Variants in ANXA9 observed in about 807,000 individuals in gnomAD.
The protein encoded by ANXA9 is annexin A9, also known as annexin 31.
In ANXA9, 47 loss-of-function variants were observed where a neutral mutation model predicts 51.8. The ratio of observed to expected loss-of-function variants is 0.91; its 90% CI spans 0.72 to 1.16. The LOEUF (loss-of-function observed/expected upper bound fraction) is 1.16, where lower values mean the gene tolerates loss of function less well. Among genes scored for constraint, ANXA9 ranks in the 50% most tolerant of loss-of-function variants. ANXA9 has a pLI of 0.00. For synonymous variants in ANXA9, 154 were observed against 168.7 expected (o/e 0.91, Z 0.68); for missense variants, 361 against 424.7 (o/e 0.85, Z 1.32).
Position 150,988,337 on chromosome 1 carries a change from T to C in ANXA9, c.848T>C (p.Leu283Pro). Residue 283 changes from leucine to proline, a missense_variant, in exon 12 of 14, where the codon CTC becomes CCC. Leu to Pro is a moderately conservative substitution (Grantham distance 98, BLOSUM62 -3). Coordinates refer to ENST00000368947, the MANE Select transcript of ANXA9 (RefSeq NM_003568.3). Reference sequence around the variant, plus strand: ...TTTGCTGACAAACTTCATCAAGCCCTCCAGGTGAGAGGGGCACTCCTTTCC... The same window carrying C: ...TTTGCTGACAAACTTCATCAAGCCCCCCAGGTGAGAGGGGCACTCCTTTCC... ...LYFADKLHQA[L>P]QETEPNYQVL... 1 of 1,613,980 alleles carries C rather than the reference T, an allele frequency of 6.2e-7. No homozygotes were observed. Among genetic ancestry groups the C allele is most frequent in the Non-Finnish European group, 8.5e-7 (1 of 1,180,006 alleles).
intron 12 of ANXA9, among the ~76,000 whole-genome samples, chr1:150,991,791 G>A (rs1322771432): frequency 6.7e-6 from 1 of 149,764 alleles, no homozygotes; most frequent in African/African-American, 2.5e-5. Flanking sequence ...TTTTAAGATG[G>A]AGGCTTGCTC....
At position 150,982,386 on chromosome 1, in the gene ANXA9, A is replaced by C. The variant is rs985425274; in HGVS notation, c.-114+7A>C. ...TCACCTCTGGCACCTCTGAGTAAGT[A>C]CTGGGCCCACGGCCCCATGCCAGGA... On this transcript the variant is annotated splice_region_variant and intron_variant, in intron 1 of 13. Transcript: ENST00000368947. The C allele has an allele frequency of 6.6e-6, 1 of 152,568 alleles. No individual in the cohort carries two copies. Among genetic ancestry groups the C allele is most frequent in the Non-Finnish European group, 1.5e-5 (1 of 68,144 alleles). 9.5% of individuals were successfully genotyped at this position (152,568 alleles called of 1,614,324 possible).
upstream of ANXA9, among the ~76,000 whole-genome samples, chr1:150,978,189 G>A (rs1018786717): frequency 6.6e-6 from 1 of 152,122 alleles, no homozygotes; most frequent in African/African-American, 2.4e-5. Flanking sequence ...CCAGCACTTT[G>A]GGAGGCCGAG....
Position 150,988,412 on chromosome 1 carries a change from T to C in ANXA9, c.852+71T>C, listed in dbSNP as rs1455922473. The C allele has an allele frequency of 5.8e-6, 9 of 1,562,674 alleles. No homozygotes were observed. The East Asian group carries it at 2.0e-4, about 35-fold the overall frequency. The stretch of plus-strand genomic sequence containing the variant: ...GAGAGAGGAAGTCTCAGCTTGCTGC[T>C]TATGTAACCATCCTATATACACCGT... On this transcript the variant is annotated intron_variant, in intron 12 of 13. Coordinates refer to ENST00000368947, the MANE Select transcript of ANXA9 (RefSeq NM_003568.3).
chr1:150,983,051 A>C, intron 2 of ANXA9, 39 bp from the exon 3 acceptor site: 1 of 1,555,660 alleles, frequency 6.4e-7, no homozygotes, highest in Non-Finnish European at 8.8e-7. Context: ...CTGAAGGGCC[A>C]GGAAATTCAG....
upstream of ANXA9, among the ~76,000 whole-genome samples, chr1:150,980,402 A>G (rs1438502263): frequency 6.6e-6 from 1 of 151,902 alleles, no homozygotes; most frequent in East Asian, 1.9e-4. Context: ...CCTCAAAAAA[A>G]AAAATGTTAG....
In ANXA9 at chr1:150,988,151, T is replaced by C. The variant is rs1671614316; in HGVS notation, c.758T>C (p.Phe253Ser). ...CTGGAGGAGGCTGTCCAGAACCGTT[T>C]CCATGGAGATGCTCAGGTGGCTCTG... The part of the protein sequence containing the change: ...QELEEAVQNR[F>S]HGDAQVALLG... Residue 253 changes from phenylalanine to serine, a missense_variant, in exon 11 of 14, where the codon TTC becomes TCC. Phe to Ser is a radical substitution (Grantham distance 155). Coordinates refer to ENST00000368947, the MANE Select transcript of ANXA9 (RefSeq NM_003568.3). 11 of 1,614,080 alleles carry C rather than the reference T, an allele frequency of 6.8e-6. No homozygotes were observed. Among genetic ancestry groups the C allele is most frequent in the Non-Finnish European group, 9.3e-6 (11 of 1,180,042 alleles).
intron 7 of ANXA9, among the ~76,000 whole-genome samples, chr1:150,985,856 C>T (rs587643269): frequency 4.3e-4 from 66 of 152,296 alleles, no homozygotes; most frequent in Non-Finnish European, 8.8e-4. Context: ...CATGAGCCAC[C>T]GCCCTGGCCG....
upstream of ANXA9, among the ~76,000 whole-genome samples, chr1:150,978,206 G>A (rs1671366841): frequency 6.6e-6 from 1 of 152,034 alleles, no homozygotes; most frequent in South Asian, 2.1e-4. Context: ...CGAGGTGGGC[G>A]GATAACCTGA....
intron 2 of ANXA9, among the ~76,000 whole-genome samples, chr1:150,982,796 G>A (rs1376078875): frequency 3.9e-5 from 6 of 152,182 alleles, no homozygotes; most frequent in Non-Finnish European, 7.3e-5. Context: ...AAGGCCTGAG[G>A]AGCTTTGGTG....
chr1:150,980,187 G>A (rs1671390561), upstream of ANXA9, among the ~76,000 whole-genome samples: 1 of 152,152 alleles, frequency 6.6e-6, no homozygotes, highest in East Asian at 1.9e-4. Context: ...ACGAGGTCAG[G>A]AGTTCGAGAC....
In ANXA9 at chr1:150,984,692, G is replaced by A. The variant is rs1437987243; in HGVS notation, c.472+16G>A. 6.8e-6 allele frequency: 11 copies of A among 1,609,454 alleles called. No homozygotes were observed. Among genetic ancestry groups the A allele is most frequent in the Non-Finnish European group, 8.5e-6 (10 of 1,176,310 alleles). ...TACAAACACAGTAAGAATATAGAGG[G>A]AGGGGTCCCAGATGCTGGAGAAGGG... On this transcript the variant is annotated intron_variant, in intron 7 of 13. Transcript: ENST00000368947.
intron 12 of ANXA9, 43 bp from the exon 13 acceptor site, chr1:150,994,534 A>G: frequency 1.2e-6 from 2 of 1,610,356 alleles, no homozygotes; most frequent in Non-Finnish European, 1.7e-6. Context: ...ACTCTCAGTG[A>G]GACTCTCACT....
chr1:150,977,755 G>A (rs1671361765), upstream of ANXA9, among the ~76,000 whole-genome samples: 3 of 152,232 alleles, frequency 2.0e-5, no homozygotes, highest in Admixed American at 1.3e-4. Context: ...GAGTATCGGG[G>A]AGGAAACATT....
upstream of ANXA9, among the ~76,000 whole-genome samples, chr1:150,978,885 A>G (rs1440571578): frequency 6.6e-6 from 1 of 151,822 alleles, no homozygotes; most frequent in Non-Finnish European, 1.5e-5. Flanking sequence ...AATTGCTTGA[A>G]CCAGGGAGTC....
At chr1:150,979,059 T>G (rs1449664087), upstream of ANXA9, among the ~76,000 whole-genome samples, 2 of 151,728 alleles carry the variant, frequency 1.3e-5, no homozygotes, top group Non-Finnish European at 2.9e-5. Flanking sequence ...AGGAAGGTGA[T>G]CAGTACAACT....
intron 12 of ANXA9, among the ~76,000 whole-genome samples, chr1:150,988,973 CTT>C (rs35284337): frequency 2.3e-4 from 33 of 141,410 alleles, no homozygotes; most frequent in South Asian, 2.3e-4. Context: ...ATTATCCATA[CTT>C]TTTTTTTTTT....
At chr1:150,983,036 AG>A in intron 2 of ANXA9, 53 bp from the exon 3 acceptor site, 1 of 1,396,632 alleles carries the variant, frequency 7.2e-7, no homozygotes, top group South Asian at 1.2e-5. Context: ...GGTCATAAGG[AG>A]TCCCTGAAGG....
chr1:150,986,598 C>T lies in ANXA9; in HGVS notation c.553-4C>T, dbSNP rs772192286. The T allele has an allele frequency of 5.4e-5, 87 of 1,607,654 alleles. No individual in the cohort carries two copies. The highest frequency in any genetic ancestry group is 6.8e-5 in the Non-Finnish European group (80 of 1,178,160). On this transcript the variant is annotated splice_polypyrimidine_tract_variant and splice_region_variant and intron_variant, in intron 8 of 13. Transcript: ENST00000368947. ...AGCCCTCTAAGAACAGTTTCTCCTCCTAGGGGGGCCGTGACAGCTACTCTG... is the reference window on the plus strand; with the variant it reads ...AGCCCTCTAAGAACAGTTTCTCCTCTTAGGGGGGCCGTGACAGCTACTCTG...
Sources: allele counts gnomAD v4.1 joint callset (sites outside exome capture counted in the v4.1 genomes callset), GRCh38; gene constraint gnomAD v4.1.1; transcripts MANE v1.5; gene names NCBI Gene and HGNC (gene_info 2026-07-23, HGNC 2026-07-21).